The following CAMK1D variants were observed in gnomAD, a reference collection of about 807,000 sequenced individuals.
CAMK1D encodes calcium/calmodulin dependent protein kinase ID, also known as calcium/calmodulin-dependent protein kinase type 1D.
CAMK1D carries 9 observed loss-of-function variants against 47.7 expected under a neutral mutation model. The ratio of observed to expected loss-of-function variants is 0.19; its 90% CI spans 0.11 to 0.33. The LOEUF (loss-of-function observed/expected upper bound fraction) is 0.33, where lower values mean the gene tolerates loss of function less well. Among genes scored for constraint, CAMK1D ranks in the 10% least tolerant of loss-of-function variants. The probability of loss-of-function intolerance (pLI) is 1.00; values close to 1 mark genes in which losing one functional copy is unlikely to be tolerated. For synonymous variants in CAMK1D, 184 were observed against 184.9 expected (o/e 0.99, Z 0.04); for missense variants, 291 against 488.7 (o/e 0.60, Z 3.81).
chr10:12,617,474 C>T (rs1838858894), intron 2 of CAMK1D, among the ~76,000 whole-genome samples: 1 of 152,126 alleles, frequency 6.6e-6, no homozygotes, highest in Admixed American at 6.5e-5. Flanking sequence ...GGGAACAAGC[C>T]ACTTGTGTGG....
chr10:12,722,074 C>T (rs2130786574), intron 3 of CAMK1D, among the ~76,000 whole-genome samples: 1 of 152,174 alleles, frequency 6.6e-6, no homozygotes, highest in South Asian at 2.1e-4. Context: ...CCACAGGCCC[C>T]CCATTCCTAA....
intron 1 of CAMK1D, among the ~76,000 whole-genome samples, chr10:12,482,454 A>G (rs754011342): frequency 3.9e-5 from 6 of 152,190 alleles, no homozygotes; most frequent in African/African-American, 1.2e-4. Flanking sequence ...CTCACCGGCC[A>G]CTTTCACTCT....
intron 2 of CAMK1D, among the ~76,000 whole-genome samples, chr10:12,619,220 C>T (rs1044593877): frequency 4.8e-4 from 73 of 152,264 alleles, no homozygotes; most frequent in Non-Finnish European, 7.8e-4. Flanking sequence ...GCTGGCATTA[C>T]TGTTATCCCT....
rs189617079 is a variant in CAMK1D, at chr10:12,530,197, C to G, written c.93-23028C>G. On this transcript the variant is annotated intron_variant, in intron 1 of 10. Transcript: ENST00000619168. ...AGGCCACGCATTCTTCAGCACTGCC[C>G]CCGTTGAACCCGGAGGCTGTTGGCA... Among the ~76,000 whole-genome samples the G allele has an allele frequency of 9.2e-5, 14 of 152,290 alleles. No homozygotes were observed. In the East Asian group the frequency reaches 2.7e-3, roughly 29 times the overall value.
rs376418316 is a variant in CAMK1D, at chr10:12,665,775, T to A, written c.225-961T>A. The stretch of plus-strand genomic sequence containing the variant: ...CCCTGGTTCTTGAGTTAGAACTTGG[T>A]TATTCAGAGTGCAGTCTGCAGATCG... On this transcript the variant is annotated intron_variant, in intron 2 of 10. Transcript: ENST00000619168. Among the ~76,000 whole-genome samples, 3 of 152,254 alleles carry A rather than the reference T, an allele frequency of 2.0e-5. No homozygotes were observed. In the East Asian group the frequency reaches 5.8e-4, roughly 29 times the overall value.
At chr10:12,807,896 C>G (rs1424111215) in intron 6 of CAMK1D, among the ~76,000 whole-genome samples, 2 of 152,236 alleles carry the variant, frequency 1.3e-5, no homozygotes, top group East Asian at 3.9e-4. Flanking sequence ...CCAATTGTCC[C>G]TATCGCCCCT....
chr10:12,461,256 G>A (rs143180061), intron 1 of CAMK1D, among the ~76,000 whole-genome samples: 414 of 152,316 alleles, frequency 2.7e-3, no homozygotes, highest in African/African-American at 8.0e-3. Flanking sequence ...CGTGCTCTGC[G>A]TGTTGTGTTA....
intron 2 of CAMK1D, among the ~76,000 whole-genome samples, chr10:12,570,094 G>T (rs1016410170): frequency 6.6e-6 from 1 of 152,058 alleles, no homozygotes; most frequent in Non-Finnish European, 1.5e-5. Flanking sequence ...CAGCTACTCC[G>T]GAGGCTGAGG....
intron 6 of CAMK1D, among the ~76,000 whole-genome samples, chr10:12,804,428 A>G (rs776041204): frequency 1.3e-5 from 2 of 152,108 alleles, no homozygotes; most frequent in Non-Finnish European, 2.9e-5. Context: ...AGCCTGGTCA[A>G]TGTGGTGAAA....
chr10:12,814,992 C>T (rs1832741379), intron 7 of CAMK1D, among the ~76,000 whole-genome samples: 1 of 152,204 alleles, frequency 6.6e-6, no homozygotes, highest in Non-Finnish European at 1.5e-5. Context: ...TGACTGTATG[C>T]TGAGCACAAG....
At chr10:12,687,816 G>A (rs1203339379) in intron 3 of CAMK1D, among the ~76,000 whole-genome samples, 2 of 152,142 alleles carry the variant, frequency 1.3e-5, no homozygotes, top group Non-Finnish European at 1.5e-5. Flanking sequence ...CCCCATTGAT[G>A]AGCTCTAAGG....
At chr10:12,662,602 A>G (rs1840305747) in intron 2 of CAMK1D, among the ~76,000 whole-genome samples, 1 of 151,292 alleles carries the variant, frequency 6.6e-6, no homozygotes, top group Non-Finnish European at 1.5e-5. Context: ...CAGTGAGCCG[A>G]GATTGCACCA....
At chr10:12,553,839 G>A (rs1219846266) in intron 2 of CAMK1D, among the ~76,000 whole-genome samples, 1 of 152,188 alleles carries the variant, frequency 6.6e-6, no homozygotes. Context: ...TGTTATTACT[G>A]CTTTATTTAT....
At chr10:12,747,166 G>A (rs1304210550) in intron 3 of CAMK1D, among the ~76,000 whole-genome samples, 1 of 152,092 alleles carries the variant, frequency 6.6e-6, no homozygotes, top group Non-Finnish European at 1.5e-5. Context: ...CGAGTAGCTG[G>A]GACTACAGGC....
At chr10:12,404,727 C>G (rs951974623) in intron 1 of CAMK1D, among the ~76,000 whole-genome samples, 1 of 150,766 alleles carries the variant, frequency 6.6e-6, no homozygotes, top group South Asian at 2.1e-4. Context: ...TGGAGTCTCA[C>G]TCTGTCACCC....
chr10:12,625,618 C>G (rs12768045), intron 2 of CAMK1D, among the ~76,000 whole-genome samples: 2 of 98,542 alleles, frequency 2.0e-5, no homozygotes, highest in East Asian at 2.7e-4. Context: ...GGCATGAGCC[C>G]CCACGCCCCG....
chr10:12,595,400 C>A (rs551421861), intron 2 of CAMK1D, among the ~76,000 whole-genome samples: 22 of 126,872 alleles, frequency 1.7e-4, no homozygotes, highest in African/African-American at 6.1e-4. Flanking sequence ...TTTGCTAAAG[C>A]TAGGAACTTG....
At chr10:12,437,550 C>T (rs567494455) in intron 1 of CAMK1D, among the ~76,000 whole-genome samples, 14 of 152,156 alleles carry the variant, frequency 9.2e-5, no homozygotes, top group African/African-American at 1.2e-4. Flanking sequence ...ATGGAAGATA[C>T]GGAGATTTCC....
chr10:12,665,427 C>T (rs1209209845), intron 2 of CAMK1D, among the ~76,000 whole-genome samples: 1 of 152,208 alleles, frequency 6.6e-6, no homozygotes, highest in East Asian at 1.9e-4. Flanking sequence ...TGCTGTTTAG[C>T]GGCAACAGCC....
Sources: gnomAD v4.1 joint callset for allele counts (sites outside exome capture counted in the v4.1 genomes callset) on GRCh38, gnomAD v4.1.1 for gene constraint, MANE v1.5 for transcripts, NCBI Gene and HGNC (gene_info 2026-07-23, HGNC 2026-07-21) for gene names.